ANO6: variants seen among roughly 807,000 people sequenced by gnomAD.
ANO6 encodes anoctamin 6.
Under a neutral mutation model 117.5 loss-of-function variants are expected in ANO6, and 106 were observed. The observed-to-expected ratio is 0.90, with a 90% confidence interval of 0.77 to 1.06. ANO6 has a LOEUF of 1.06. Ranked by LOEUF, ANO6 falls within the 50% of genes least tolerant of loss-of-function variation. The probability of loss-of-function intolerance (pLI) is 0.00; values close to 1 mark genes in which losing one functional copy is unlikely to be tolerated. For synonymous variants in ANO6, 367 were observed against 385.1 expected (o/e 0.95, Z 0.55); for missense variants, 955 against 1,121.1 (o/e 0.85, Z 2.12).
At chr12:45,324,915 C>A (rs1424917575) in intron 2 of ANO6, among the ~76,000 whole-genome samples, 3 of 152,152 alleles carry the variant, frequency 2.0e-5, no homozygotes, top group Non-Finnish European at 4.4e-5. Flanking sequence ...TCACATGTGA[C>A]ACAGGTGACT....
intron 7 of ANO6, 138 bp downstream of exon 7, chr12:45,350,912 T>G (rs982712818): frequency 5.7e-6 from 4 of 707,398 alleles, no homozygotes; most frequent in African/African-American, 5.3e-5. Flanking sequence ...TGGCCAGGGT[T>G]TTTATTGAGG....
At chr12:45,371,026 G>A (rs559639415) in intron 9 of ANO6, among the ~76,000 whole-genome samples, 1 of 152,314 alleles carries the variant, frequency 6.6e-6, no homozygotes, top group Non-Finnish European at 1.5e-5. Context: ...GCCGAAGCAG[G>A]GTGAGGCATT....
At chr12:45,413,856 G>C (rs1284439066) in intron 16 of ANO6, among the ~76,000 whole-genome samples, 2 of 152,106 alleles carry the variant, frequency 1.3e-5, no homozygotes, top group Non-Finnish European at 2.9e-5. Context: ...GCTAGGTAGG[G>C]CTTTTTTAGT....
Position 45,350,722 on chromosome 12 carries a change from G to C in ANO6, c.811G>C (p.Glu271Gln). 1 of 1,613,860 alleles carries C rather than the reference G, an allele frequency of 6.2e-7. No homozygotes were observed. Among genetic ancestry groups the C allele is most frequent in the Non-Finnish European group, 8.5e-7 (1 of 1,179,830 alleles). ...TAATGAACGGTACCTTCTGTACAGA[G>C]AATGGGCTCATCCTCGAAGCATATA... is the stretch of plus-strand genomic sequence containing the variant. ...CPNERYLLYR[E>Q]WAHPRSIYKK... is the part of the protein sequence containing the mutation. The change falls in exon 7 of 20, where the codon GAA becomes CAA. Residue 271 changes from glutamate to glutamine, a missense_variant. Transcript: ENST00000320560.
chr12:45,336,399 C>CTTATTTATGTTAATACTACATTAAA lies in ANO6; in HGVS notation c.279+4987_279+5011dup, dbSNP rs1379025623. On this transcript the variant is annotated intron_variant, in intron 3 of 19. Coordinates refer to ENST00000320560, the MANE Select transcript of ANO6 (RefSeq NM_001025356.3). ...ACTTTTTATAGTTATTAGCACCCTA[C>CTTATTTATGTTAATACTACATTAAA]TTATTTATGTTAATACTACATTAAA... Among the ~76,000 whole-genome samples the CTTATTTATGTTAATACTACATTAAA allele has an allele frequency of 6.3e-3, 956 of 152,128 alleles. 7 individuals carry two copies. Among genetic ancestry groups the CTTATTTATGTTAATACTACATTAAA allele is most frequent in the African/African-American group, 0.021 (870 of 41,512 alleles).
intron 1 of ANO6, among the ~76,000 whole-genome samples, chr12:45,240,439 T>C (rs1947724220): frequency 6.7e-6 from 1 of 148,498 alleles, no homozygotes; most frequent in Non-Finnish European, 1.5e-5. Flanking sequence ...TGAGCCTGTG[T>C]GTGTCTCTGC....
At chr12:45,242,462 T>G (rs1413031168) in intron 1 of ANO6, among the ~76,000 whole-genome samples, 1 of 152,238 alleles carries the variant, frequency 6.6e-6, no homozygotes. Flanking sequence ...GTCCAGTTTT[T>G]CCAGGTACAG....
Position 45,331,375 on chromosome 12 carries a change from T to C in ANO6, c.231T>C (p.Asp77=), listed in dbSNP as rs138413111. 2.4e-4 allele frequency: 379 copies of C among 1,609,620 alleles called. 2 individuals carry two copies. In the African/African-American group the frequency reaches 4.6e-3, roughly 19 times the overall value. The change falls in exon 3 of 20, where the codon GAT becomes GAC. Residue 77 remains aspartate, a synonymous_variant. Transcript: ENST00000320560. ...TTGACTTTGTTCTAGTATATGAGGA[T>C]GAAAGCAGAAAAGAGACCAATAAAA... The part of the protein sequence containing the change: ...RRIDFVLVYE[D]ESRKETNKKG...
intron 9 of ANO6, 35 bp downstream of exon 9, chr12:45,367,828 G>T: frequency 6.7e-7 from 1 of 1,482,158 alleles, no homozygotes; most frequent in Middle Eastern, 1.7e-4. Context: ...TACACCTAAT[G>T]AAAGATTTTT....
chr12:45,321,993 C>A (rs7309615), intron 2 of ANO6, among the ~76,000 whole-genome samples: 97 of 152,158 alleles, frequency 6.4e-4, no homozygotes, highest in African/African-American at 1.9e-3. Context: ...TGAAGAATGC[C>A]TGGTAGTCCA....
intron 18 of ANO6, 56 bp downstream of exon 18, chr12:45,421,329 T>G: frequency 6.5e-7 from 1 of 1,535,130 alleles, no homozygotes. Flanking sequence ...GGGTTTTTCT[T>G]GTGACTTAAT....
At chr12:45,411,914 C>T (rs57160874) in intron 16 of ANO6, among the ~76,000 whole-genome samples, 4,596 of 152,182 alleles carry the variant, frequency 0.03, 90 homozygotes, top group African/African-American at 0.055. Context: ...TCTGCTAGAG[C>T]GCCAGTGCCT....
chr12:45,325,347 T>C (rs141562581), intron 2 of ANO6, among the ~76,000 whole-genome samples: 10 of 152,286 alleles, frequency 6.6e-5, no homozygotes, highest in African/African-American at 1.7e-4. Context: ...GCTCACAGGG[T>C]CAAAAAAGCT....
At chr12:45,371,199 C>T (rs537333763) in intron 9 of ANO6, among the ~76,000 whole-genome samples, 4 of 152,336 alleles carry the variant, frequency 2.6e-5, no homozygotes, top group South Asian at 2.1e-4. Flanking sequence ...GCACCTGGCT[C>T]GGAGGGTCCT....
At position 45,401,833 on chromosome 12, in the gene ANO6, C is replaced by A. The variant is rs758084969; in HGVS notation, c.1425C>A (p.Val475=). ...LIIASVIGII[V]YRLSVFIVFS... ...TCGCTTCAGTTATTGGGATCATTGT[C>A]TATAGGCTCTCGGTGTTCATTGTAT... Residue 475 remains valine (V), a synonymous_variant, in exon 13 of 20, where the codon GTC becomes GTA. Coordinates refer to ENST00000320560, the MANE Select transcript of ANO6 (RefSeq NM_001025356.3). 1.2e-6 allele frequency: 2 copies of A among 1,613,888 alleles called. No individual in the cohort carries two copies. The highest frequency in any genetic ancestry group is 1.7e-5 in the Admixed American group (1 of 59,994).
intron 16 of ANO6, among the ~76,000 whole-genome samples, chr12:45,411,130 A>G (rs1943076391): frequency 6.6e-6 from 1 of 152,200 alleles, no homozygotes; most frequent in Admixed American, 6.5e-5. Flanking sequence ...CCTGGGGCAG[A>G]ATGTCATTTA....
intron 1 of ANO6, among the ~76,000 whole-genome samples, chr12:45,244,044 CAAAT>C (rs1362984210): frequency 1.3e-5 from 2 of 152,154 alleles, no homozygotes; most frequent in African/African-American, 2.4e-5. Flanking sequence ...ATAGAAATTA[CAAAT>C]AAATATAAAT....
intron 3 of ANO6, among the ~76,000 whole-genome samples, chr12:45,339,333 G>C (rs1266789251): frequency 6.6e-6 from 1 of 152,062 alleles, no homozygotes; most frequent in Admixed American, 6.6e-5. Context: ...CTCCAAAGTT[G>C]TTCCTTTAAG....
chr12:45,369,538 G>A (rs1941770029), intron 9 of ANO6, among the ~76,000 whole-genome samples: 1 of 151,084 alleles, frequency 6.6e-6, no homozygotes, highest in Non-Finnish European at 1.5e-5. Flanking sequence ...TTCTATTCTA[G>A]TTTCCTGAAG....
Sources: gnomAD v4.1 joint callset for allele counts (sites outside exome capture counted in the v4.1 genomes callset) on GRCh38, gnomAD v4.1.1 for gene constraint, MANE v1.5 for transcripts, NCBI Gene and HGNC (gene_info 2026-07-23, HGNC 2026-07-21) for gene names.